Variants in ME3 observed in about 807,000 individuals in gnomAD.
The protein encoded by ME3 is NADP-dependent malic enzyme, mitochondrial.
Under a neutral mutation model 68.9 loss-of-function variants are expected in ME3, and 48 were observed. The observed-to-expected ratio is 0.70, with a 90% CI of 0.55 to 0.89. The LOEUF is 0.89. Among genes scored for constraint, ME3 ranks in the 40% least tolerant of loss-of-function variants. ME3 has a pLI of 0.00. For synonymous variants in ME3, 320 were observed against 318.8 expected (o/e 1.00, Z -0.04); for missense variants, 675 against 797.4 (o/e 0.85, Z 1.85).
At chr11:86,575,814 C>G (rs778911768) in intron 2 of ME3, among the ~76,000 whole-genome samples, 17 of 152,170 alleles carry the variant, frequency 1.1e-4, no homozygotes, top group Non-Finnish European at 2.1e-4. Context: ...TACATAGGTA[C>G]TTTATAGCAT....
At chr11:86,478,753 G>A (rs1245574237) in intron 7 of ME3, among the ~76,000 whole-genome samples, 3 of 152,174 alleles carry the variant, frequency 2.0e-5, no homozygotes, top group Non-Finnish European at 4.4e-5. Context: ...TTCCTCAAGT[G>A]GTTTACATTT....
chr11:86,624,433 T>C (rs1030314963), intron 2 of ME3, among the ~76,000 whole-genome samples: 6 of 152,218 alleles, frequency 3.9e-5, no homozygotes, highest in African/African-American at 1.4e-4. Flanking sequence ...AAACAATATG[T>C]TTACCATATA....
Position 86,629,230 on chromosome 11 carries a change from G to T in ME3, c.183+42532C>A, listed in dbSNP as rs116548581. Among the ~76,000 whole-genome samples, 861 of 152,290 alleles carry T rather than the reference G, an allele frequency of 5.7e-3. 11 individuals are homozygous for T. The highest frequency in any genetic ancestry group is 0.019 in the African/African-American group (803 of 41,566). ...ATCTCGAGTTCATGTCCCTGAACTTGTATTCCTTCGTCATAACATTCAGAG... is the reference window on the plus strand; with the variant it reads ...ATCTCGAGTTCATGTCCCTGAACTTTTATTCCTTCGTCATAACATTCAGAG... On this transcript the variant is annotated intron_variant, in intron 2 of 14. Coordinates refer to ENST00000543262, the Ensembl canonical transcript of ME3.
chr11:86,659,845 A>G (rs1010926229), intron 2 of ME3, among the ~76,000 whole-genome samples: 7 of 152,236 alleles, frequency 4.6e-5, no homozygotes, highest in Non-Finnish European at 1.0e-4. Context: ...AGAGACATAG[A>G]TGATAGCTGA....
rs140483930 is a variant in ME3 at position 86,469,570 on chromosome 11, G to A, written c.810-4370C>T. On this transcript the variant is annotated intron_variant, in intron 7 of 14. Transcript: ENST00000543262. ...TGTCTATCCTTCTGTCCTGCGAGAA[G>A]CTCCCACTTACCGGGGAGGCTTCTG... Among the ~76,000 whole-genome samples, 139 of 152,302 alleles carry A rather than the reference G, an allele frequency of 9.1e-4. 2 individuals carry two copies. The East Asian group carries it at 0.025, about 27-fold the overall frequency.
chr11:86,646,142 T>G (rs1054476258), intron 2 of ME3, among the ~76,000 whole-genome samples: 9 of 152,318 alleles, frequency 5.9e-5, no homozygotes, highest in African/African-American at 1.9e-4. Context: ...AGAATGCTTC[T>G]TCTCCTCAAA....
intron 7 of ME3, among the ~76,000 whole-genome samples, chr11:86,476,176 T>G (rs541806352): frequency 4.9e-4 from 75 of 152,328 alleles, no homozygotes; most frequent in African/African-American, 1.8e-3. Context: ...TCTAACATCC[T>G]GTCTTGTACA....
At chr11:86,593,557 T>A (rs1053648991) in intron 2 of ME3, among the ~76,000 whole-genome samples, 3 of 146,482 alleles carry the variant, frequency 2.0e-5, no homozygotes, top group African/African-American at 7.5e-5. Context: ...CTAAGTTCAA[T>A]AGGAATTTTC....
chr11:86,565,767 C>G (rs1391267434), intron 2 of ME3, among the ~76,000 whole-genome samples: 1 of 152,078 alleles, frequency 6.6e-6, no homozygotes, highest in Non-Finnish European at 1.5e-5. Context: ...TGTGGCTTGT[C>G]TTTTCATTCT....
chr11:86,475,625 T>G (rs973712704), intron 7 of ME3, among the ~76,000 whole-genome samples: 2 of 152,094 alleles, frequency 1.3e-5, no homozygotes, highest in African/African-American at 4.8e-5. Flanking sequence ...TGGATAAGTT[T>G]TCCTTAATTT....
chr11:86,496,267 G>A (rs763465516), intron 6 of ME3, among the ~76,000 whole-genome samples: 16 of 152,098 alleles, frequency 1.1e-4, no homozygotes, highest in Non-Finnish European at 2.1e-4. Context: ...TTAGCTGAGC[G>A]TGGTAGCACA....
intron 4 of ME3, among the ~76,000 whole-genome samples, chr11:86,516,228 G>A (rs917276718): frequency 6.6e-6 from 1 of 152,164 alleles, no homozygotes; most frequent in African/African-American, 2.4e-5. Context: ...TGGAACTTGA[G>A]GGATGGAAAA....
At chr11:86,669,111 A>G (rs908297667) in intron 2 of ME3, among the ~76,000 whole-genome samples, 6 of 152,248 alleles carry the variant, frequency 3.9e-5, no homozygotes, top group African/African-American at 1.4e-4. Context: ...GGAGGACAAC[A>G]GAACAGCCAG....
intron 2 of ME3, among the ~76,000 whole-genome samples, chr11:86,629,605 G>C (rs1038116883): frequency 1.3e-5 from 2 of 152,080 alleles, no homozygotes; most frequent in Non-Finnish European, 2.9e-5. Context: ...ATATCAGCCA[G>C]TCTACACTGT....
intron 2 of ME3, among the ~76,000 whole-genome samples, chr11:86,590,981 G>A (rs1291486314): frequency 2.0e-5 from 3 of 152,178 alleles, no homozygotes; most frequent in Non-Finnish European, 4.4e-5. Context: ...CAGAGGGAGA[G>A]AAAGCAAGAT....
intron 4 of ME3, among the ~76,000 whole-genome samples, chr11:86,532,159 A>G (rs375475595): frequency 1.2e-3 from 187 of 152,274 alleles, no homozygotes; most frequent in African/African-American, 1.9e-3. Context: ...AAAGGAGTCA[A>G]TTCATCAAGA....
chr11:86,515,321 A>C (rs1953816131), intron 4 of ME3, among the ~76,000 whole-genome samples: 1 of 152,194 alleles, frequency 6.6e-6, no homozygotes, highest in South Asian at 2.1e-4. Context: ...ACATTGTCAT[A>C]ATGCTCTTGC....
intron 4 of ME3, among the ~76,000 whole-genome samples, chr11:86,539,086 A>C (rs12805940): frequency 0.11 from 16,556 of 152,178 alleles, 951 homozygotes; most frequent in African/African-American, 0.14. Context: ...GTGCGTGACC[A>C]TTTGGAGGAA....
At chr11:86,666,446 C>G (rs1946593014) in intron 2 of ME3, among the ~76,000 whole-genome samples, 1 of 152,158 alleles carries the variant, frequency 6.6e-6, no homozygotes, top group Non-Finnish European at 1.5e-5. Flanking sequence ...TTATTTAAGC[C>G]TCTGTATCTG....
Sources: allele counts gnomAD v4.1 joint callset (sites outside exome capture counted in the v4.1 genomes callset), GRCh38; gene constraint gnomAD v4.1.1; transcripts MANE v1.5; gene names NCBI Gene and HGNC (gene_info 2026-07-23, HGNC 2026-07-21).